HEXB: variants seen among roughly 807,000 people sequenced by gnomAD.
HEXB encodes the protein beta-hexosaminidase subunit beta.
A neutral mutation model predicts 71.2 loss-of-function variants in HEXB; 51 were observed. That is an observed-to-expected ratio of 0.72 (90% CI 0.57 to 0.90). The LOEUF (loss-of-function observed/expected upper bound fraction) is 0.90, where lower values mean the gene tolerates loss of function less well. Ranked by LOEUF, HEXB falls within the 40% of genes least tolerant of loss-of-function variation. HEXB has a pLI of 0.00. For missense variants in HEXB, 617 were observed against 677.0 expected, an observed-to-expected ratio of 0.91 and a Z score of 0.98; for synonymous variants, 266 against 249.3, an observed-to-expected ratio of 1.07 and a Z score of -0.63.
intron 1 of HEXB, among the ~76,000 whole-genome samples, chr5:74,648,687 G>C (rs1748046586): frequency 6.6e-6 from 1 of 152,250 alleles, no homozygotes; most frequent in East Asian, 1.9e-4. Flanking sequence ...GGTTTTCCAG[G>C]CAGAATCTTG....
chr5:74,660,937 A>G lies in HEXB; in HGVS notation c.-377+20379A>G, dbSNP rs551821937. ...AAGATCAACTCGAGAAAGCAAAAATATAGGAAAAAGACACCGGGCATAACA... is the reference window on the plus strand; with the variant it reads ...AAGATCAACTCGAGAAAGCAAAAATGTAGGAAAAAGACACCGGGCATAACA... On this transcript the variant is annotated intron_variant, in intron 1 of 13. Coordinates refer to the HEXB transcript ENST00000511181. 7.9e-5 allele frequency among the ~76,000 whole-genome samples: 12 copies of G among 152,324 alleles called. No homozygotes were observed. The East Asian group carries it at 1.2e-3, about 15-fold the overall frequency.
At chr5:74,685,582 G>A in intron 1 of HEXB, 23 bp downstream of exon 1, 1 of 1,530,120 alleles carries the variant, frequency 6.5e-7, no homozygotes. Flanking sequence ...GGCCCGGCCG[G>A]GAGTTGTCCT....
intron 1 of HEXB, among the ~76,000 whole-genome samples, chr5:74,674,222 A>G (rs900804693): frequency 6.6e-6 from 1 of 152,186 alleles, no homozygotes; most frequent in Non-Finnish European, 1.5e-5. Context: ...TGTAATAATC[A>G]TTGGTTGTTT....
chr5:74,689,273 T>C (rs1748941335), intron 1 of HEXB, 55 bp from the exon 2 acceptor site: 11 of 1,431,506 alleles, frequency 7.7e-6, no homozygotes, highest in African/African-American at 1.4e-5. Context: ...CACATCTGTT[T>C]TAAAAATTTG....
intron 1 of HEXB, among the ~76,000 whole-genome samples, chr5:74,654,448 CG>C (rs1175330256): frequency 6.6e-6 from 1 of 152,120 alleles, no homozygotes; most frequent in African/African-American, 2.4e-5. Context: ...GACATTCCCA[CG>C]AGATATACTA....
chr5:74,695,726 A>G (rs1749098147), intron 3 of HEXB, among the ~76,000 whole-genome samples: 1 of 150,990 alleles, frequency 6.6e-6, no homozygotes, highest in African/African-American at 2.4e-5. Flanking sequence ...TTGTAGTCCC[A>G]GCTACTTGGG....
In HEXB at chr5:74,652,260, G is replaced by A. The variant is rs575855380; in HGVS notation, c.-377+11702G>A. ...CTCCATTTTGCTCATGAGGAAACAG[G>A]GGCAATGATGCGTTTGAACTTGTGC... On this transcript the variant is annotated intron_variant, in intron 1 of 13. Coordinates refer to the HEXB transcript ENST00000511181. The surrounding 1 kb of genome is among the most constrained non-coding windows in gnomAD (Gnocchi z 5.4). Among the ~76,000 whole-genome samples the A allele has an allele frequency of 2.6e-5, 4 of 152,260 alleles. No individual in the cohort carries two copies. Among genetic ancestry groups the A allele is most frequent in the South Asian group, 2.1e-4 (1 of 4,818 alleles).
intron 2 of HEXB, among the ~76,000 whole-genome samples, chr5:74,691,623 G>C (rs946496700): frequency 6.6e-6 from 1 of 152,176 alleles, no homozygotes; most frequent in South Asian, 2.1e-4. Context: ...AGGAACACAC[G>C]CATAAAGCAA....
chr5:74,696,863 A>C, intron 4 of HEXB, 124 bp downstream of exon 4: 3 of 759,318 alleles, frequency 4.0e-6, no homozygotes, highest in Non-Finnish European at 6.9e-6. Flanking sequence ...TTAGCCGGTA[A>C]ATGTAAATTT....
At chr5:74,657,642 T>C (rs1214998594) in intron 1 of HEXB, among the ~76,000 whole-genome samples, 5 of 152,214 alleles carry the variant, frequency 3.3e-5, no homozygotes, top group East Asian at 1.9e-4. Flanking sequence ...ATAAAATGAA[T>C]GGAGAGTTAG....
At chr5:74,662,551 G>A (rs994250050) in intron 1 of HEXB, among the ~76,000 whole-genome samples, 1 of 152,024 alleles carries the variant, frequency 6.6e-6, no homozygotes, top group Non-Finnish European at 1.5e-5. Flanking sequence ...TAAATTACTG[G>A]AGATGGAGCT....
chr5:74,721,048 A>G (rs1006435218), intron 13 of HEXB, 70 bp from the exon 14 acceptor site: 5 of 1,210,904 alleles, frequency 4.1e-6, no homozygotes, highest in East Asian at 2.4e-5. Flanking sequence ...ATGAATATCA[A>G]TCTAAAATAT....
chr5:74,713,142 A>G (rs1026593673), intron 6 of HEXB, among the ~76,000 whole-genome samples: 1 of 152,154 alleles, frequency 6.6e-6, no homozygotes, highest in Non-Finnish European at 1.5e-5. Context: ...GATAGTAGAA[A>G]CTCTTGAAAC....
chr5:74,697,868 T>G (rs115812712), intron 5 of HEXB, among the ~76,000 whole-genome samples: 3,413 of 152,070 alleles, frequency 0.022, 135 homozygotes, highest in African/African-American at 0.078. Flanking sequence ...CCTAGGGAAC[T>G]ATTCCAAAGG....
chr5:74,721,283 ATTGAACCT>A, exon 14 of HEXB: 1 of 948,362 alleles, frequency 1.1e-6, no homozygotes, highest in African/African-American at 1.6e-5. Context: ...ATTTTTATTG[ATTGAACCT>A]TTGACCCTCT....
intron 3 of HEXB, among the ~76,000 whole-genome samples, chr5:74,694,173 T>C (rs1026100458): frequency 6.6e-6 from 1 of 151,994 alleles, no homozygotes; most frequent in African/African-American, 2.4e-5. Flanking sequence ...AAAATACAAA[T>C]AAATAAATAC....
intron 1 of HEXB, among the ~76,000 whole-genome samples, chr5:74,669,360 CCTT>C (rs1370155715): frequency 6.6e-6 from 1 of 151,958 alleles, no homozygotes; most frequent in Non-Finnish European, 1.5e-5. Context: ...AGACAGTCCT[CCTT>C]CTACCACAGA....
In HEXB at chr5:74,718,669, A is replaced by C. The variant is rs1190565905; in HGVS notation, c.1243-128A>C. ...TGGCACTAACTCTGAAGAAAAGAGG[A>C]AAAAGAAAATGCAGATTTTTTTTAA... On this transcript the variant is annotated intron_variant, in intron 10 of 13. Transcript: ENST00000261416. The C allele has an allele frequency of 5.1e-6, 5 of 975,140 alleles. No individual in the cohort carries two copies. The East Asian group carries it at 1.3e-4, about 25-fold the overall frequency. The allele number at this position is 975,140 out of a possible 1,614,324, so 60.4% of individuals were successfully genotyped here.
At position 74,717,195 on chromosome 5, in the gene HEXB, A is replaced by C. The variant is rs571725365; in HGVS notation, c.1169+522A>C. On this transcript the variant is annotated intron_variant, in intron 9 of 13. Coordinates refer to ENST00000261416, the MANE Select transcript of HEXB (RefSeq NM_000521.4). ...GACTGTCTCAATCAATCAATCAATC[A>C]ATCCATCAATAAATATAAAACTCAG... Among the ~76,000 whole-genome samples the C allele has an allele frequency of 9.9e-5, 15 of 152,010 alleles. No homozygotes were observed. The South Asian group carries it at 2.5e-3, about 25-fold the overall frequency.
Sources: gnomAD v4.1 joint callset for allele counts (sites outside exome capture counted in the v4.1 genomes callset) on GRCh38, gnomAD v4.1.1 for gene constraint, Gnocchi (gnomAD v3.1) non-coding constraint, MANE v1.5 for transcripts, NCBI Gene and HGNC (gene_info 2026-07-23, HGNC 2026-07-21) for gene names.